Variants in IL7R observed in about 807,000 individuals in gnomAD.
IL7R encodes the protein interleukin 7 receptor, also known as interleukin-7 receptor subunit alpha.
In IL7R, 38 loss-of-function variants were observed where a neutral mutation model predicts 47.0. The observed-to-expected ratio is 0.81, with a 90% CI of 0.62 to 1.06. IL7R has a LOEUF of 1.06. IL7R is among the 50% of genes least tolerant of loss of function. IL7R has a pLI of 0.00. For synonymous variants in IL7R, 221 were observed against 199.8 expected (o/e 1.11, Z -0.89); for missense variants, 633 against 534.8 (o/e 1.18, Z -1.81).
At chr5:35,862,706 C>A (rs575023475) in intron 2 of IL7R, among the ~76,000 whole-genome samples, 1 of 152,230 alleles carries the variant, frequency 6.6e-6, no homozygotes, top group East Asian at 1.9e-4. Context: ...TGGGAATGAG[C>A]TGAGAATACC....
chr5:35,875,822 G>T lies in IL7R; in HGVS notation c.877-161G>T, dbSNP rs1028258326. ...GCCAGTGGTCACTTCAAGTCTTGAA[G>T]TGTCTCAGAAGCTCCAGAAGCAAAG... On this transcript the variant is annotated intron_variant, in intron 7 of 7. Coordinates refer to ENST00000303115, the MANE Select transcript of IL7R (RefSeq NM_002185.5). 3 of 864,140 alleles carry T rather than the reference G, an allele frequency of 3.5e-6. No homozygotes were observed. In the African/African-American group the frequency reaches 5.0e-5, roughly 14 times the overall value. The allele number at this position is 864,140 out of a possible 1,614,324, so 53.5% of individuals were successfully genotyped here.
chr5:35,875,742 C>A, intron 7 of IL7R, 155 bp downstream of exon 7: 1 of 777,558 alleles, frequency 1.3e-6, no homozygotes, highest in Non-Finnish European at 2.2e-6. Context: ...CAGTAGGGAA[C>A]TGAAATAAGA....
At chr5:35,867,744 C>A in intron 3 of IL7R, 1 of 597,254 alleles carries the variant, frequency 1.7e-6, no homozygotes, top group South Asian at 2.1e-5. Flanking sequence ...TGTCATCCAT[C>A]ACAGGTGTCC....
chr5:35,871,124 T>C lies in IL7R; in HGVS notation c.448T>C (p.Phe150Leu), dbSNP rs1489620244. 2 of 1,611,942 alleles carry C rather than the reference T, an allele frequency of 1.2e-6. No homozygotes were observed. Among genetic ancestry groups the C allele is most frequent in the African/African-American group, 2.7e-5 (2 of 74,882 alleles). Residue 150 changes from phenylalanine (F) to leucine (L), a missense_variant, in exon 4 of 8, where the codon TTT (phenylalanine) becomes CTT (leucine). Physicochemically the swap from Phe to Leu is conservative, Grantham distance 22. Coordinates refer to ENST00000303115, the MANE Select transcript of IL7R (RefSeq NM_002185.5). Reference sequence around the variant, plus strand: ...AGGAGCCAATGACTTTGTGGTGACATTTAATACATCACACTTGCAAAAGAA... The same window carrying C: ...AGGAGCCAATGACTTTGTGGTGACACTTAATACATCACACTTGCAAAAGAA... ...REGANDFVVT[F>L]NTSHLQKKYV...
intron 2 of IL7R, among the ~76,000 whole-genome samples, chr5:35,862,261 A>G (rs774562586): frequency 3.5e-4 from 53 of 152,218 alleles, no homozygotes; most frequent in Admixed American, 6.5e-4. Context: ...ACTCATTTTC[A>G]TGGGCAAATC....
chr5:35,858,660 G>C (rs1168408557), intron 1 of IL7R, among the ~76,000 whole-genome samples: 1 of 152,112 alleles, frequency 6.6e-6, no homozygotes, highest in Non-Finnish European at 1.5e-5. Context: ...TTTTTAAAGA[G>C]AAGCTCAAAT....
At chr5:35,873,407 T>A in intron 4 of IL7R, 73 bp from the exon 5 acceptor site, 2 of 1,241,006 alleles carry the variant, frequency 1.6e-6, no homozygotes, top group South Asian at 2.4e-5. Flanking sequence ...GGAATCCCAA[T>A]TGAAATGATT....
At chr5:35,873,750 G>A in intron 5 of IL7R, 102 bp downstream of exon 5, 1 of 1,054,996 alleles carries the variant, frequency 9.5e-7, no homozygotes, top group Non-Finnish European at 1.5e-6. Flanking sequence ...TGCAAAATAG[G>A]ACACCCTTGG....
intron 3 of IL7R, among the ~76,000 whole-genome samples, chr5:35,870,116 A>T (rs1418247218): frequency 1.3e-5 from 2 of 151,782 alleles, no homozygotes; most frequent in Admixed American, 6.6e-5. Flanking sequence ...TAGCACCCCC[A>T]CCCCCAGACA....
chr5:35,869,506 C>A (rs1760019201), intron 3 of IL7R, among the ~76,000 whole-genome samples: 1 of 152,138 alleles, frequency 6.6e-6, no homozygotes, highest in Admixed American at 6.5e-5. Context: ...GGATTTGGAT[C>A]CCTTTAAACC....
At chr5:35,874,033 CTA>C (rs1760144402) in intron 5 of IL7R, among the ~76,000 whole-genome samples, 1 of 152,154 alleles carries the variant, frequency 6.6e-6, no homozygotes, top group Admixed American at 6.5e-5. Flanking sequence ...TGCGGCTGTC[CTA>C]TGTCTCCTTT....
Position 35,879,081 on chromosome 5 carries a change from G to GA in IL7R, c.*2604dup, listed in dbSNP as rs879711495. The GA allele has an allele frequency of 3.3e-4, 74 of 227,196 alleles. No individual in the cohort carries two copies. The highest frequency in any genetic ancestry group is 4.5e-4 in the Non-Finnish European group (52 of 114,846). 14.1% of individuals were successfully genotyped at this position (227,196 alleles called of 1,614,324 possible). A position where few individuals can be genotyped will look rare whatever the true frequency, so the allele number is the denominator to read the frequency against. On this transcript the variant is annotated 3_prime_UTR_variant, in exon 8 of 8. Transcript: ENST00000303115. ...CCAATCTCCTTTCAGATTTTATTAG[G>GA]AAAAAAAAATAAACCTCCTGATCGG...
chr5:35,865,222 T>C (rs1437203200), intron 2 of IL7R, among the ~76,000 whole-genome samples: 1 of 152,182 alleles, frequency 6.6e-6, no homozygotes, highest in Non-Finnish European at 1.5e-5. Flanking sequence ...TGATTTTTTG[T>C]CCTTGTGATA....
intron 3 of IL7R, among the ~76,000 whole-genome samples, chr5:35,869,968 C>T (rs745735890): frequency 3.3e-5 from 5 of 152,186 alleles, no homozygotes; most frequent in Non-Finnish European, 7.3e-5. Context: ...AAGAGCTAGG[C>T]CAAACTCTGC....
intron 3 of IL7R, 27 bp from the exon 4 acceptor site, chr5:35,871,029 C>A (rs754341555): frequency 3.1e-6 from 5 of 1,603,860 alleles, no homozygotes; most frequent in South Asian, 1.1e-5. Context: ...GCCCTTTAGA[C>A]AGAATTTATT....
intron 4 of IL7R, chr5:35,873,246 G>A (rs934926375): frequency 1.8e-6 from 1 of 565,200 alleles, no homozygotes; most frequent in Non-Finnish European, 3.2e-6. Context: ...ACCTGAATAA[G>A]ACCCATCATT....
chr5:35,868,082 C>T (rs566200199), intron 3 of IL7R, among the ~76,000 whole-genome samples: 2 of 152,156 alleles, frequency 1.3e-5, no homozygotes, highest in Non-Finnish European at 2.9e-5. Context: ...GCCTAAATTC[C>T]GCAGGGCAAG....
chr5:35,869,070 C>T lies in IL7R; in HGVS notation c.379+1607C>T, dbSNP rs201137725. Among the ~76,000 whole-genome samples the T allele has an allele frequency of 3.9e-5, 6 of 152,146 alleles. No individual in the cohort carries two copies. In the East Asian group the frequency reaches 1.2e-3, roughly 29 times the overall value. On this transcript the variant is annotated intron_variant, in intron 3 of 7. Coordinates refer to ENST00000303115, the MANE Select transcript of IL7R (RefSeq NM_002185.5). ...CAAGCAGGAAGAGAGGTGGTGGAGG[C>T]ATGTCTCACGGTAGCATCTCCTTCT...
At chr5:35,875,106 A>G (rs1292897294) in intron 6 of IL7R, among the ~76,000 whole-genome samples, 2 of 152,194 alleles carry the variant, frequency 1.3e-5, no homozygotes, top group Non-Finnish European at 2.9e-5. Flanking sequence ...TTCCACCAAA[A>G]TTAGCTGCCA....
Sources: gnomAD v4.1 joint callset for allele counts (sites outside exome capture counted in the v4.1 genomes callset) on GRCh38, gnomAD v4.1.1 for gene constraint, MANE v1.5 for transcripts, NCBI Gene and HGNC (gene_info 2026-07-23, HGNC 2026-07-21) for gene names.